Variants in NOP58 observed in about 807,000 individuals in gnomAD.
The protein encoded by NOP58 is nucleolar protein 58.
A neutral mutation model predicts 71.2 loss-of-function variants in NOP58; 44 were observed. That is an observed-to-expected ratio of 0.62 (90% CI 0.49 to 0.79). The LOEUF (loss-of-function observed/expected upper bound fraction) is 0.79, where lower values mean the gene tolerates loss of function less well. Among genes scored for constraint, NOP58 ranks in the 30% least tolerant of loss-of-function variants. The pLI, the probability that NOP58 is intolerant of heterozygous loss-of-function variation, is 0.00. For missense variants in NOP58, 538 were observed against 620.2 expected (o/e 0.87, Z 1.41); for synonymous variants, 228 against 200.3 (o/e 1.14, Z -1.17).
chr2:202,268,459 CG>C (rs1255574639), intron 1 of NOP58, among the ~76,000 whole-genome samples: 1 of 151,174 alleles, frequency 6.6e-6, no homozygotes, highest in African/African-American at 2.4e-5. Flanking sequence ...TGCTTGAACC[CG>C]GGAGGCGGAG....
intron 1 of NOP58, among the ~76,000 whole-genome samples, chr2:202,274,028 A>G (rs1489262945): frequency 6.6e-6 from 1 of 152,110 alleles, no homozygotes; most frequent in African/African-American, 2.4e-5. Context: ...CTTGGAGAAT[A>G]TATACCTAAA....
chr2:202,267,940 T>C (rs914500708), intron 1 of NOP58, among the ~76,000 whole-genome samples: 7 of 152,222 alleles, frequency 4.6e-5, no homozygotes, highest in African/African-American at 1.7e-4. Context: ...TGTAACCTAG[T>C]ACTAAAGAAA....
At chr2:202,287,092 G>T (rs1207564134) in intron 5 of NOP58, among the ~76,000 whole-genome samples, 3 of 142,746 alleles carry the variant, frequency 2.1e-5, no homozygotes, top group Non-Finnish European at 4.5e-5. Context: ...TTTTGAGGCG[G>T]AGTCTTGCTT....
chr2:202,274,589 A>G (rs1157037810), intron 1 of NOP58, among the ~76,000 whole-genome samples: 1 of 151,852 alleles, frequency 6.6e-6, no homozygotes, highest in Non-Finnish European at 1.5e-5. Flanking sequence ...AAAGGGATTA[A>G]TGGCTCTTTT....
intron 6 of NOP58, among the ~76,000 whole-genome samples, chr2:202,288,255 C>CGGGA (rs1688825912): frequency 6.6e-6 from 1 of 152,020 alleles, no homozygotes; most frequent in African/African-American, 2.4e-5. Flanking sequence ...GAGGCTGAGG[C>CGGGA]GGGAGGATCA....
chr2:202,297,744 A>T (rs1689017113), intron 11 of NOP58, 101 bp from the exon 12 acceptor site: 1 of 820,496 alleles, frequency 1.2e-6, no homozygotes, highest in South Asian at 2.0e-5. Flanking sequence ...AAAATAGCAG[A>T]AATTGCTGTT....
rs908794543 is a variant in NOP58 at position 202,303,598 on chromosome 2, T to C, written c.*162T>C. 127 of 822,540 alleles carry C rather than the reference T, an allele frequency of 1.5e-4. 2 individuals are homozygous for C. In the Middle Eastern group the frequency reaches 2.0e-3, roughly 13 times the overall value. The allele number at this position is 822,540 out of a possible 1,614,324, so 51.0% of individuals were successfully genotyped here. A position where few individuals can be genotyped will look rare whatever the true frequency, so the allele number is the denominator to read the frequency against. ...CCTATTTGTCTTGACATCAACTCTG[T>C]TAACCTTATGTCATCATTTCTTAGA... On this transcript the variant is annotated 3_prime_UTR_variant, in exon 15 of 15. Transcript: ENST00000264279.
chr2:202,270,616 T>C (rs936473637), intron 1 of NOP58, among the ~76,000 whole-genome samples: 8 of 152,038 alleles, frequency 5.3e-5, no homozygotes, highest in Non-Finnish European at 7.4e-5. Context: ...GAAAAAAAAT[T>C]AGCTGGGCAC....
At chr2:202,288,715 T>C (rs1227035630) in intron 6 of NOP58, among the ~76,000 whole-genome samples, 1 of 151,884 alleles carries the variant, frequency 6.6e-6, no homozygotes, top group East Asian at 1.9e-4. Flanking sequence ...TTCAGGAGGC[T>C]GAGGCAGGAG....
Position 202,295,838 on chromosome 2 carries a change from G to A in NOP58, c.1071+1G>A. On this transcript the variant is annotated splice_donor_variant, in intron 10 of 14. Coordinates refer to ENST00000264279, the MANE Select transcript of NOP58 (RefSeq NM_015934.5). LOFTEE classifies it high-confidence loss of function. ...GACAAGTCCCAAACACAAAGGAAAG[G>A]TGTGTTATAGGGTTTTGCTTTGTTT... The A allele has an allele frequency of 6.4e-7, 1 of 1,567,634 alleles. No individual in the cohort carries two copies. Among genetic ancestry groups the A allele is most frequent in the Non-Finnish European group, 8.6e-7 (1 of 1,161,380 alleles).
Position 202,300,497 on chromosome 2 carries a change from A to G in NOP58, c.1402+130A>G. ...CTCATTGAACGCTAATGGTGTTTTA[A>G]TAATGCCATTATGTTCTCTGGGAAT... On this transcript the variant is annotated intron_variant, in intron 13 of 14. Transcript: ENST00000264279. 4 of 678,324 alleles carry G rather than the reference A, an allele frequency of 5.9e-6. No individual in the cohort carries two copies. In the South Asian group the frequency reaches 8.4e-5, roughly 14 times the overall value. The allele number at this position is 678,324 out of a possible 1,614,324, so 42.0% of individuals were successfully genotyped here. A position where few individuals can be genotyped will look rare whatever the true frequency, so the allele number is the denominator to read the frequency against.
At chr2:202,266,218 G>A (rs6756580) in intron 1 of NOP58, among the ~76,000 whole-genome samples, 147,317 of 152,170 alleles carry the variant, frequency 0.97, 71,467 homozygotes, top group East Asian at 1. Flanking sequence ...CCCGTTGAAG[G>A]GGTGGGCAGG....
intron 1 of NOP58, among the ~76,000 whole-genome samples, chr2:202,269,631 A>G (rs1258301402): frequency 6.6e-6 from 1 of 152,064 alleles, no homozygotes; most frequent in Non-Finnish European, 1.5e-5. Flanking sequence ...AACCCCAGCT[A>G]CTTGGAAGGC....
intron 13 of NOP58, among the ~76,000 whole-genome samples, chr2:202,301,184 C>T (rs1689084441): frequency 6.6e-6 from 1 of 151,552 alleles, no homozygotes. Context: ...CACAATTTCC[C>T]CCCTCTTTTT....
chr2:202,284,136 C>A (rs1688751778), intron 4 of NOP58, among the ~76,000 whole-genome samples: 1 of 151,956 alleles, frequency 6.6e-6, no homozygotes, highest in South Asian at 2.1e-4. Flanking sequence ...ACAAAATTAG[C>A]TGGGCATGGT....
At chr2:202,284,668 C>A in intron 5 of NOP58, 187 bp downstream of exon 5, 2 of 562,158 alleles carry the variant, frequency 3.6e-6, no homozygotes, top group Non-Finnish European at 5.9e-6. Flanking sequence ...AGTGGTAAAG[C>A]CAGGATTTGA....
chr2:202,273,921 G>A (rs574616068), intron 1 of NOP58, among the ~76,000 whole-genome samples: 4 of 149,462 alleles, frequency 2.7e-5, no homozygotes, highest in South Asian at 2.1e-4. Context: ...CCAGCCTGGC[G>A]ACAGAGTGAG....
chr2:202,301,698 T>C (rs987678203), intron 13 of NOP58, among the ~76,000 whole-genome samples: 1 of 152,110 alleles, frequency 6.6e-6, no homozygotes, highest in African/African-American at 2.4e-5. Flanking sequence ...CATCCACTTA[T>C]CCCATCTGCC....
At chr2:202,277,615 T>C (rs16838988) in intron 2 of NOP58, among the ~76,000 whole-genome samples, 12,402 of 152,194 alleles carry the variant, frequency 0.081, 1,692 homozygotes, top group African/African-American at 0.28. Context: ...ACGTACGTTT[T>C]CTTGAGTCAA....
Sources: allele counts gnomAD v4.1 joint callset (sites outside exome capture counted in the v4.1 genomes callset), GRCh38; gene constraint gnomAD v4.1.1; transcripts MANE v1.5; gene names NCBI Gene and HGNC (gene_info 2026-07-23, HGNC 2026-07-21).